SCP2: variants seen among roughly 807,000 people sequenced by gnomAD.
The protein encoded by SCP2 is sterol carrier protein 2.
Under a neutral mutation model 71.4 loss-of-function variants are expected in SCP2, and 48 were observed. The observed-to-expected ratio is 0.67, with a 90% CI of 0.53 to 0.86. The LOEUF is 0.86. SCP2 is among the 40% of genes least tolerant of loss of function. SCP2 has a pLI of 0.00. For missense variants in SCP2, 560 were observed against 655.6 expected (o/e 0.85, Z 1.59); for synonymous variants, 220 against 218.1 (o/e 1.01, Z -0.08).
At chr1:52,948,486 T>C (rs1274140391) in intron 3 of SCP2, among the ~76,000 whole-genome samples, 1 of 151,610 alleles carries the variant, frequency 6.6e-6, no homozygotes, top group Non-Finnish European at 1.5e-5. Context: ...CTACTAAAAA[T>C]ACAAAAAATG....
At chr1:52,933,141 G>A (rs1653316846) in intron 1 of SCP2, among the ~76,000 whole-genome samples, 1 of 152,188 alleles carries the variant, frequency 6.6e-6, no homozygotes, top group African/African-American at 2.4e-5. Flanking sequence ...AGTGTACAAT[G>A]TGAGTCTAGA....
At chr1:52,973,314 A>G (rs1384319180) in intron 6 of SCP2, among the ~76,000 whole-genome samples, 2 of 151,750 alleles carry the variant, frequency 1.3e-5, no homozygotes, top group Non-Finnish European at 2.9e-5. Flanking sequence ...TTGTTTAACC[A>G]TAGTCTAAAC....
chr1:52,974,851 T>A lies in SCP2; in HGVS notation c.587+19T>A. ...ATAACCCGTAAGTATTTCAGAGACA[T>A]GAAATAATGAAAATCTGGGTTATCC... On this transcript the variant is annotated intron_variant, in intron 7 of 15. Coordinates refer to ENST00000371514, the MANE Select transcript of SCP2 (RefSeq NM_002979.5). 1 of 1,204,086 alleles carries A rather than the reference T, an allele frequency of 8.3e-7. No homozygotes were observed. Among genetic ancestry groups the A allele is most frequent in the Non-Finnish European group, 1.2e-6 (1 of 805,970 alleles). 74.6% of individuals were successfully genotyped at this position (1,204,086 alleles called of 1,614,324 possible). A position where few individuals can be genotyped will look rare whatever the true frequency, so the allele number is the denominator to read the frequency against.
intron 13 of SCP2, among the ~76,000 whole-genome samples, chr1:53,032,775 AT>A (rs1251903176): frequency 6.6e-6 from 1 of 152,230 alleles, no homozygotes; most frequent in Admixed American, 6.5e-5. Flanking sequence ...TGGCAGCAGT[AT>A]AGAGGAGAAG....
At chr1:52,930,573 T>C (rs539341860) in intron 1 of SCP2, among the ~76,000 whole-genome samples, 1 of 152,094 alleles carries the variant, frequency 6.6e-6, no homozygotes, top group Non-Finnish European at 1.5e-5. Flanking sequence ...CTGCAGTGAG[T>C]CCTGTTTGAG....
chr1:52,933,647 C>A (rs1653374262), intron 1 of SCP2, among the ~76,000 whole-genome samples: 1 of 152,126 alleles, frequency 6.6e-6, no homozygotes, highest in African/African-American at 2.4e-5. Flanking sequence ...TGTCTTCTAT[C>A]AAACGTATTT....
At chr1:52,989,538 C>A (rs1003566156) in intron 11 of SCP2, among the ~76,000 whole-genome samples, 1 of 152,150 alleles carries the variant, frequency 6.6e-6, no homozygotes, top group Non-Finnish European at 1.5e-5. Context: ...TGGCACTGAG[C>A]AAGTCAGAAC....
At chr1:52,971,095 C>G (rs1477896057) in intron 6 of SCP2, among the ~76,000 whole-genome samples, 1 of 151,250 alleles carries the variant, frequency 6.6e-6, no homozygotes, top group African/African-American at 2.4e-5. Flanking sequence ...CCCGCCTCAG[C>G]CTCCCGAGTA....
intron 6 of SCP2, among the ~76,000 whole-genome samples, chr1:52,970,879 A>G (rs1466938951): frequency 1.9e-5 from 2 of 106,668 alleles, no homozygotes. Flanking sequence ...GGCATTTTCT[A>G]TTTTCTAGTT....
chr1:52,966,026 T>C (rs1221159181), intron 6 of SCP2, among the ~76,000 whole-genome samples: 4 of 152,126 alleles, frequency 2.6e-5, no homozygotes, highest in Non-Finnish European at 5.9e-5. Context: ...TATTATTGAT[T>C]TTACTTATAG....
intron 11 of SCP2, among the ~76,000 whole-genome samples, chr1:53,007,630 G>A (rs1307530255): frequency 6.6e-6 from 1 of 152,198 alleles, no homozygotes; most frequent in Non-Finnish European, 1.5e-5. Context: ...TTAAAGCAGT[G>A]TGTAGAGGGA....
intron 3 of SCP2, among the ~76,000 whole-genome samples, chr1:52,950,395 C>A (rs1183513079): frequency 6.6e-6 from 1 of 152,226 alleles, no homozygotes; most frequent in Non-Finnish European, 1.5e-5. Flanking sequence ...GTTGGGATTA[C>A]AGGCATGAGC....
intron 5 of SCP2, among the ~76,000 whole-genome samples, chr1:52,960,622 G>GTATGTATA: frequency 6.9e-6 from 1 of 144,326 alleles, no homozygotes; most frequent in Non-Finnish European, 1.5e-5. Context: ...ATGTATATAT[G>GTATGTATA]TATGTATATA....
intron 11 of SCP2, chr1:52,995,971 A>T (rs551372280): frequency 1.1e-5 from 15 of 1,426,398 alleles, no homozygotes; most frequent in Admixed American, 7.4e-5. Flanking sequence ...CAGTACCAGG[A>T]TGCCACCACA....
chr1:52,998,329 C>G (rs1354571960), intron 11 of SCP2, among the ~76,000 whole-genome samples: 1 of 152,216 alleles, frequency 6.6e-6, no homozygotes, highest in Non-Finnish European at 1.5e-5. Context: ...GGTGCAGTAG[C>G]TCACGCCTGT....
chr1:53,050,105 T>G (rs554364832), intron 15 of SCP2: 2 of 155,442 alleles, frequency 1.3e-5, no homozygotes, highest in Admixed American at 6.3e-5. Flanking sequence ...TGATTTTTCT[T>G]GTTGAGCCAA....
chr1:52,993,265 T>G, intron 11 of SCP2: 1 of 1,614,204 alleles, frequency 6.2e-7, no homozygotes, highest in East Asian at 2.2e-5. Context: ...AAGGAGGACA[T>G]TCCTGCTCTT....
At chr1:52,998,851 T>C (rs1408638836) in intron 11 of SCP2, among the ~76,000 whole-genome samples, 2 of 152,218 alleles carry the variant, frequency 1.3e-5, no homozygotes, top group Non-Finnish European at 2.9e-5. Context: ...TTTGCCAGTC[T>C]TGACAGGTCA....
At chr1:52,942,825 G>A (rs1001478317) in intron 2 of SCP2, among the ~76,000 whole-genome samples, 21 of 150,250 alleles carry the variant, frequency 1.4e-4, no homozygotes, top group African/African-American at 4.6e-4. Flanking sequence ...TCAGCCTCCC[G>A]AGTAGCTGGG....
Sources: allele counts gnomAD v4.1 joint callset (sites outside exome capture counted in the v4.1 genomes callset), GRCh38; gene constraint gnomAD v4.1.1; transcripts MANE v1.5; gene names NCBI Gene and HGNC (gene_info 2026-07-23, HGNC 2026-07-21).